PUDP: variants seen among roughly 807,000 people sequenced by gnomAD.
The protein encoded by PUDP is pseudouridine-5'-phosphatase.
PUDP carries 8 observed loss-of-function variants against 9.4 expected under a neutral mutation model. The observed-to-expected ratio is 0.85, with a 90% CI of 0.50 to 1.53. The LOEUF is 1.53. PUDP is among the 40% of genes most tolerant of loss of function. PUDP has a pLI of 0.00. For synonymous variants in PUDP, 99 were observed against 80.7 expected (o/e 1.23, Z -1.22); for missense variants, 188 against 189.7 (o/e 0.99, Z 0.05).
Position 6,803,060 on chromosome X carries a change from TATAAAATAAAATAAA to T in PUDP, c.*248-96609_*248-96595del, listed in dbSNP as rs374121914. 8.8e-4 allele frequency among the ~76,000 whole-genome samples: 7 copies of T among 7,926 alleles called. 1 individual carries two copies. The highest frequency in any genetic ancestry group is 1.3e-3 in the Non-Finnish European group (7 of 5,285). 6.9% of individuals were successfully genotyped at this position (7,926 alleles called of 115,157 possible). On this transcript the variant is annotated intron_variant and NMD_transcript_variant, in intron 3 of 3. Transcript: ENST00000655425. ...ATATAAAATAAAATATAAAATAAAA[TATAAAATAAAATAAA>T]ATAAAATAAAATAAAATAAAATAAA...
intron 1 of PUDP, among the ~76,000 whole-genome samples, chrX:7,127,162 A>G (rs1295418612): frequency 2.7e-5 from 3 of 111,833 alleles, no homozygotes; most frequent in Non-Finnish European, 5.6e-5. Context: ...CCTTCCACAC[A>G]TGGGGGCACT....
chrX:6,842,001 G>A (rs997893391), intron 3 of PUDP, among the ~76,000 whole-genome samples: 2 of 111,186 alleles, frequency 1.8e-5, no homozygotes, highest in African/African-American at 6.6e-5. Context: ...TGTGTGCTGC[G>A]CATGTTGAAC....
chrX:6,940,090 A>T (rs1928377621), intron 3 of PUDP, among the ~76,000 whole-genome samples: 1 of 112,881 alleles, frequency 8.9e-6, no homozygotes. Context: ...TGGAATACTG[A>T]GACTATAACC....
At chrX:6,898,690 G>C (rs1569119344) in intron 3 of PUDP, among the ~76,000 whole-genome samples, 1 of 112,490 alleles carries the variant, frequency 8.9e-6, no homozygotes, top group Non-Finnish European at 1.9e-5. Flanking sequence ...GGATGGGGCA[G>C]CTGAGGACCA....
intron 1 of PUDP, among the ~76,000 whole-genome samples, chrX:6,986,205 C>G (rs890236232): frequency 8.9e-6 from 1 of 112,175 alleles, no homozygotes; most frequent in Non-Finnish European, 1.9e-5. Context: ...TGTCGATGAT[C>G]AGAGTAGCCA....
intron 1 of PUDP, among the ~76,000 whole-genome samples, chrX:7,034,169 G>A (rs1000541516): frequency 8.9e-6 from 1 of 112,059 alleles, no homozygotes; most frequent in Non-Finnish European, 1.9e-5. Context: ...GGAATAAAGG[G>A]TATGGATGGG....
At chrX:6,906,017 C>T (rs779786614) in intron 3 of PUDP, among the ~76,000 whole-genome samples, 18 of 112,007 alleles carry the variant, frequency 1.6e-4, no homozygotes, top group Middle Eastern at 4.6e-3. Context: ...TCAAACTTGA[C>T]GCATTCTATG....
intron 3 of PUDP, among the ~76,000 whole-genome samples, chrX:6,817,681 C>T (rs1279731883): frequency 1.8e-5 from 2 of 111,361 alleles, no homozygotes; most frequent in Admixed American, 9.6e-5. Flanking sequence ...TTGAAGGCCG[C>T]CTACCACATA....
chrX:7,147,849 C>G (rs1932904820), intron 1 of PUDP: 1 of 166,442 alleles, frequency 6.0e-6, no homozygotes, highest in Admixed American at 8.4e-5. Flanking sequence ...CACGCGCGCC[C>G]GCCAGCCCGG....
chrX:6,743,310 T>C lies in PUDP; in HGVS notation c.*248-36844A>G, dbSNP rs763785474. 1.3e-3 allele frequency among the ~76,000 whole-genome samples: 143 copies of C among 111,992 alleles called. 1 individual carries two copies. Among genetic ancestry groups the C allele is most frequent in the African/African-American group, 4.6e-3 (140 of 30,636 alleles). ...ACGAATAAAATTCCAAATTTTGTTT[T>C]GGATACAACACAAGCCACTGTGGCT... On this transcript the variant is annotated intron_variant and NMD_transcript_variant, in intron 3 of 3. Coordinates refer to the PUDP transcript ENST00000655425.
At chrX:7,075,554 C>T (rs1044720505) in intron 3 of PUDP, among the ~76,000 whole-genome samples, 3 of 111,726 alleles carry the variant, frequency 2.7e-5, no homozygotes, top group Non-Finnish European at 5.7e-5. Context: ...CAGCCCTCCC[C>T]CTCATCTCCA....
At chrX:7,003,193 G>A (rs996314352) in intron 1 of PUDP, among the ~76,000 whole-genome samples, 3 of 111,674 alleles carry the variant, frequency 2.7e-5, no homozygotes. Context: ...GGTCGGAGAG[G>A]ATAATAAAGT....
intron 1 of PUDP, 108 bp downstream of exon 1, chrX:7,147,945 T>C: frequency 6.3e-6 from 4 of 632,091 alleles, no homozygotes; most frequent in Non-Finnish European, 9.7e-6. Flanking sequence ...CGTCCCTGCA[T>C]GAACACCGCC....
chrX:6,771,452 T>G (rs1375620856), intron 3 of PUDP, among the ~76,000 whole-genome samples: 1 of 112,191 alleles, frequency 8.9e-6, no homozygotes, highest in African/African-American at 3.2e-5. Context: ...TGTGAATATC[T>G]CTTTTGGAGC....
chrX:6,982,945 C>T (rs777057199), intron 1 of PUDP, among the ~76,000 whole-genome samples: 6 of 111,682 alleles, frequency 5.4e-5, no homozygotes, highest in Admixed American at 2.9e-4. Context: ...GTCCATTGCC[C>T]GGCGAAAGGA....
At chrX:7,024,782 G>A (rs1442321669) in intron 1 of PUDP, among the ~76,000 whole-genome samples, 2 of 23,182 alleles carry the variant, frequency 8.6e-5, no homozygotes, top group African/African-American at 1.8e-4. Context: ...TAGTAGAGAC[G>A]GGGTTTCACC....
intron 3 of PUDP, among the ~76,000 whole-genome samples, chrX:7,067,566 A>G (rs1352685684): frequency 8.9e-6 from 1 of 111,775 alleles, no homozygotes; most frequent in Admixed American, 9.5e-5. Flanking sequence ...CCAAGGGGAG[A>G]GGGAGAGCCT....
At chrX:6,880,077 G>A (rs1352226558) in intron 3 of PUDP, among the ~76,000 whole-genome samples, 1 of 109,605 alleles carries the variant, frequency 9.1e-6, no homozygotes, top group Non-Finnish European at 1.9e-5. Flanking sequence ...TTACAATTCA[G>A]TTAGAATGAC....
intron 3 of PUDP, among the ~76,000 whole-genome samples, chrX:6,763,117 G>A (rs769068000): frequency 8.9e-6 from 1 of 112,317 alleles, no homozygotes; most frequent in Admixed American, 9.4e-5. Context: ...AGGGAGGCAC[G>A]ATGCCTCCTG....
Sources: allele counts gnomAD v4.1 joint callset (sites outside exome capture counted in the v4.1 genomes callset), GRCh38; gene constraint gnomAD v4.1.1; transcripts MANE v1.5; gene names NCBI Gene and HGNC (gene_info 2026-07-23, HGNC 2026-07-21).